Variants in ITGB5 observed in about 807,000 individuals in gnomAD.
ITGB5 encodes integrin beta-5.
Under a neutral mutation model 84.8 loss-of-function variants are expected in ITGB5, and 38 were observed. The ratio of observed to expected loss-of-function variants is 0.45; its 90% CI spans 0.35 to 0.59. The LOEUF (loss-of-function observed/expected upper bound fraction) is 0.59, where lower values mean the gene tolerates loss of function less well. Among genes scored for constraint, ITGB5 ranks in the 20% least tolerant of loss-of-function variants. The pLI, the probability that ITGB5 is intolerant of heterozygous loss-of-function variation, is 0.01. For missense variants in ITGB5, 905 were observed against 1,034.5 expected (o/e 0.87, Z 1.72); for synonymous variants, 393 against 414.4 (o/e 0.95, Z 0.63).
intron 4 of ITGB5, among the ~76,000 whole-genome samples, chr3:124,848,069 G>A (rs1409057055): frequency 6.6e-6 from 1 of 152,128 alleles, no homozygotes; most frequent in African/African-American, 2.4e-5. Flanking sequence ...TGCTGTGCAT[G>A]GCAGGCAGGA....
At chr3:124,773,618 G>A in intron 11 of ITGB5, 72 bp downstream of exon 11, 1 of 1,461,576 alleles carries the variant, frequency 6.8e-7, no homozygotes, top group East Asian at 2.3e-5. Context: ...AGCCGGCCCT[G>A]AGGGCTGCCT....
At chr3:124,804,393 A>G (rs1232525477) in intron 9 of ITGB5, among the ~76,000 whole-genome samples, 4 of 151,992 alleles carry the variant, frequency 2.6e-5, no homozygotes, top group African/African-American at 9.7e-5. Flanking sequence ...AACAACCACA[A>G]AGAAATTAGC....
At chr3:124,807,789 C>G (rs1399251742) in intron 9 of ITGB5, among the ~76,000 whole-genome samples, 1 of 150,848 alleles carries the variant, frequency 6.6e-6, no homozygotes, top group Non-Finnish European at 1.5e-5. Flanking sequence ...ACTAAAAATA[C>G]AAAAAAATTA....
intron 3 of ITGB5, among the ~76,000 whole-genome samples, chr3:124,853,064 C>G (rs898355669): frequency 7.2e-5 from 11 of 152,034 alleles, no homozygotes; most frequent in Admixed American, 5.2e-4. Context: ...GAGTCAAAAA[C>G]TCTTAAGACT....
In ITGB5 at chr3:124,796,762, T is replaced by C. The variant is rs200022551; in HGVS notation, c.1319A>G (p.His440Arg). Residue 440 changes from histidine (H) to arginine (R), a missense_variant, in exon 10 of 15, where the codon CAT becomes CGT. Transcript: ENST00000296181. ...TCCCACCGGCCGCAGGGCAAACACA[T>C]GCTCCGTGTGTCTGCTGGGACAGCT... ...ARSCPSRHTE[H>R]VFALRPVGFR... is the part of the protein sequence containing the mutation. 311 of 1,613,604 alleles carry C rather than the reference T, an allele frequency of 1.9e-4. No homozygotes were observed. Among genetic ancestry groups the C allele is most frequent in the East Asian group, 4.0e-4 (18 of 44,878 alleles).
At chr3:124,862,855 C>T (rs902750558) in intron 2 of ITGB5, 1 of 152,202 alleles carries the variant, frequency 6.6e-6, no homozygotes, top group Non-Finnish European at 1.5e-5. Flanking sequence ...GAATCATGGG[C>T]TCCTGCACTG....
intron 1 of ITGB5, among the ~76,000 whole-genome samples, chr3:124,882,048 G>A (rs1272796438): frequency 2.0e-5 from 3 of 152,140 alleles, no homozygotes; most frequent in African/African-American, 7.2e-5. Flanking sequence ...CATAGTCCCT[G>A]ACTTCAAAGC....
At chr3:124,898,565 A>G (rs1293164738) in intron 1 of ITGB5, among the ~76,000 whole-genome samples, 1 of 134,698 alleles carries the variant, frequency 7.4e-6, no homozygotes, top group East Asian at 2.6e-4. Context: ...AATGGCGTGA[A>G]CCCGGGAGGC....
At chr3:124,865,591 G>A (rs937970841) in intron 2 of ITGB5, among the ~76,000 whole-genome samples, 1 of 138,672 alleles carries the variant, frequency 7.2e-6, no homozygotes, top group Admixed American at 7.9e-5. Flanking sequence ...GGCTCAAGCT[G>A]TCTCCCCACC....
At chr3:124,780,272 G>A (rs1272075327) in intron 10 of ITGB5, among the ~76,000 whole-genome samples, 1 of 152,198 alleles carries the variant, frequency 6.6e-6, no homozygotes, top group Non-Finnish European at 1.5e-5. Context: ...AGAGGCCCAA[G>A]GCAGCCATGG....
At chr3:124,766,540 T>A (rs914942045) in intron 12 of ITGB5, among the ~76,000 whole-genome samples, 195 bp from the exon 13 acceptor site, 1 of 152,074 alleles carries the variant, frequency 6.6e-6, no homozygotes, top group African/African-American at 2.4e-5. Context: ...AGGGCTGAAT[T>A]TAGATGGCTT....
In ITGB5 at chr3:124,800,087, C is replaced by T. The variant is rs192564103; in HGVS notation, c.1264-3270G>A. On this transcript the variant is annotated intron_variant, in intron 9 of 14. Transcript: ENST00000296181. ...GGCCCAGAGAGAAACTTGCTTGCAT[C>T]TCCTATTACTATTTGCTTGAAGCTC... Among the ~76,000 whole-genome samples, 414 of 152,236 alleles carry T rather than the reference C, an allele frequency of 2.7e-3. 2 individuals carry two copies. Among genetic ancestry groups the T allele is most frequent in the African/African-American group, 9.5e-3 (393 of 41,542 alleles).
chr3:124,783,333 C>T (rs2064033877), intron 10 of ITGB5, among the ~76,000 whole-genome samples: 1 of 140,738 alleles, frequency 7.1e-6, no homozygotes, highest in Admixed American at 7.1e-5. Context: ...AGAGATTAAA[C>T]AGACCTGAGC....
chr3:124,871,643 T>G (rs142662785), intron 2 of ITGB5, among the ~76,000 whole-genome samples: 2,263 of 152,074 alleles, frequency 0.015, 21 homozygotes, highest in Middle Eastern at 0.027. Flanking sequence ...CTGGGAAACA[T>G]AGAGAGATCC....
chr3:124,871,371 T>G (rs1279025588), intron 2 of ITGB5, among the ~76,000 whole-genome samples: 2 of 152,152 alleles, frequency 1.3e-5, no homozygotes, highest in Admixed American at 1.3e-4. Context: ...ATTTTTTGTA[T>G]CTTTAATACA....
At chr3:124,802,955 G>A (rs928704771) in intron 9 of ITGB5, among the ~76,000 whole-genome samples, 5 of 151,940 alleles carry the variant, frequency 3.3e-5, no homozygotes, top group African/African-American at 1.2e-4. Context: ...GGGCCAGCTC[G>A]GGTCAGTTGC....
intron 1 of ITGB5, among the ~76,000 whole-genome samples, chr3:124,881,437 C>T (rs1934566909): frequency 6.6e-6 from 1 of 152,150 alleles, no homozygotes; most frequent in East Asian, 1.9e-4. Flanking sequence ...CAGCTGCAGC[C>T]CCCAGTCTCT....
chr3:124,763,738 A>G lies in ITGB5; in HGVS notation c.2305-20T>C, dbSNP rs1161191404. ...TGAAGCCTACAGAACACGGCGGGGA[A>G]GAGGATGAGGACACATGTTAGCTCA... On this transcript the variant is annotated intron_variant, in intron 14 of 14. Transcript: ENST00000296181. 2 of 1,439,134 alleles carry G rather than the reference A, an allele frequency of 1.4e-6. No individual in the cohort carries two copies. The highest frequency in any genetic ancestry group is 4.5e-5 in the East Asian group (2 of 44,004). 89.1% of individuals were successfully genotyped at this position (1,439,134 alleles called of 1,614,324 possible).
chr3:124,819,466 T>C (rs2107555840), intron 7 of ITGB5, among the ~76,000 whole-genome samples: 1 of 152,338 alleles, frequency 6.6e-6, no homozygotes, highest in South Asian at 2.1e-4. Context: ...AGTGTGCCTC[T>C]CTGTTTCCAA....
Sources: allele counts gnomAD v4.1 joint callset (sites outside exome capture counted in the v4.1 genomes callset), GRCh38; gene constraint gnomAD v4.1.1; transcripts MANE v1.5; gene names NCBI Gene and HGNC (gene_info 2026-07-23, HGNC 2026-07-21).